Variants in PLCH1 observed in about 807,000 individuals in gnomAD.
The protein encoded by PLCH1 is 1-phosphatidylinositol 4,5-bisphosphate phosphodiesterase eta-1.
Under a neutral mutation model 126.7 loss-of-function variants are expected in PLCH1, and 60 were observed. That is an observed-to-expected ratio of 0.47 (90% CI 0.38 to 0.59). The LOEUF is 0.59. Among genes scored for constraint, PLCH1 ranks in the 20% least tolerant of loss-of-function variants. PLCH1 has a pLI of 0.00. For missense variants in PLCH1, 1,723 were observed against 2,040.0 expected (o/e 0.84, Z 2.99); for synonymous variants, 719 against 734.9 (o/e 0.98, Z 0.35).
intron 2 of PLCH1, among the ~76,000 whole-genome samples, chr3:155,699,382 C>A (rs905475797): frequency 2.6e-5 from 4 of 152,162 alleles, no homozygotes; most frequent in Non-Finnish European, 5.9e-5. Context: ...CAGCCTGATA[C>A]TTTTAATCTT....
chr3:155,479,601 C>A (rs542027566), downstream of PLCH1, among the ~76,000 whole-genome samples: 2 of 152,240 alleles, frequency 1.3e-5, no homozygotes, highest in South Asian at 4.1e-4. Flanking sequence ...TCCCTCCCAC[C>A]ACCCACCACC....
intron 22 of PLCH1, among the ~76,000 whole-genome samples, chr3:155,483,935 TTAAA>T (rs1235983623): frequency 3.7e-4 from 57 of 152,252 alleles, no homozygotes; most frequent in African/African-American, 1.0e-3. Context: ...CAACTTGTTA[TTAAA>T]TAGTTTCCAA....
chr3:155,464,969 C>T (rs1199529669), intron 21 of PLCH1, among the ~76,000 whole-genome samples: 6 of 152,092 alleles, frequency 3.9e-5, no homozygotes, highest in South Asian at 2.1e-4. Flanking sequence ...ATTAGCTAGG[C>T]GTGGCAGCGT....
rs1170521180 is a variant in PLCH1, at chr3:155,492,853, C to T, written c.2183G>A (p.Gly728Asp). Residue 728 changes from glycine to aspartate, a missense_variant and splice_region_variant, in exon 18 of 23, where the codon GGT (glycine) becomes GAT (aspartate). Physicochemically the swap from Gly to Asp is moderately conservative, Grantham distance 94 (BLOSUM62 -1). This residue lies in a region of PLCH1 where 776 missense variants were observed against 1,062.9 expected (regional missense o/e 0.73). Transcript: ENST00000460012. Reference sequence around the variant, plus strand: ...GTCACCAGAGAAAGGGTTGAAAGTACCTAGGCCAAGTAAAGTATAAGTTGG... The same window carrying T: ...GTCACCAGAGAAAGGGTTGAAAGTATCTAGGCCAAGTAAAGTATAAGTTGG... ...YVLKPQQMCKGTFNPFSGDPL... is the reference protein window; with the variant it reads ...YVLKPQQMCKDTFNPFSGDPL... The T allele has an allele frequency of 6.3e-7, 1 of 1,590,298 alleles. No homozygotes were observed. Among genetic ancestry groups the T allele is most frequent in the Non-Finnish European group, 8.5e-7 (1 of 1,170,164 alleles).
At position 155,494,406 on chromosome 3, in the gene PLCH1, G is replaced by A; in HGVS notation, c.2006C>T (p.Pro669Leu). 6.2e-7 allele frequency: 1 copy of A among 1,614,062 alleles called. No individual in the cohort carries two copies. The change falls in exon 16 of 23, where the codon CCC (proline) becomes CTC (leucine). Residue 669 changes from proline to leucine, a missense_variant. Physicochemically the swap from Pro to Leu is moderately conservative, Grantham distance 98. This residue lies in a region of PLCH1 where 776 missense variants were observed against 1,062.9 expected (regional missense o/e 0.73). Transcript: ENST00000460012. ...YNQKQLTRIY[P>L]SAYRIDSSNF... ...ACTGGAATCAATGCGGTAGGCAGAG[G>A]GGTAAATCCTCGTGAGTTGCTTTTG...
chr3:155,604,855 T>C (rs1734161032), intron 2 of PLCH1, among the ~76,000 whole-genome samples: 1 of 152,190 alleles, frequency 6.6e-6, no homozygotes, highest in Non-Finnish European at 1.5e-5. Flanking sequence ...AAGAGAATGA[T>C]AAAAATCACT....
In PLCH1 at chr3:155,554,145, G is replaced by A; in HGVS notation, c.1121C>T (p.Thr374Ile). The change falls in exon 9 of 23, where the codon ACT becomes ATT. Residue 374 changes from threonine to isoleucine, a missense_variant. By Grantham distance (89) the Thr-to-Ile change is moderately conservative (BLOSUM62 -1). Transcript: ENST00000460012. ...DGEPVVHHGY[T>I]LTSKILFRDV... ...TCTGAAGAGAATTTTTGAAGTGAGA[G>A]TGTAACCATGATGTACTACTGGCTC... The A allele has an allele frequency of 6.2e-7, 1 of 1,613,640 alleles. No individual in the cohort carries two copies. The highest frequency in any genetic ancestry group is 8.5e-7 in the Non-Finnish European group (1 of 1,179,584).
intron 1 of PLCH1, among the ~76,000 whole-genome samples, chr3:155,741,661 C>A (rs1749627268): frequency 1.5e-5 from 2 of 130,652 alleles, no homozygotes; most frequent in Non-Finnish European, 3.2e-5. Context: ...TCCTTTTATC[C>A]TTTTATCATA....
intron 21 of PLCH1, among the ~76,000 whole-genome samples, chr3:155,473,716 A>C (rs900638959): frequency 5.3e-5 from 8 of 151,792 alleles, no homozygotes; most frequent in Non-Finnish European, 1.2e-4. Flanking sequence ...TGGTACTGGT[A>C]CCAAAACAGA....
intron 9 of PLCH1, among the ~76,000 whole-genome samples, chr3:155,551,684 CAAA>C (rs35872401): frequency 0.032 from 2,773 of 87,008 alleles, 46 homozygotes; most frequent in East Asian, 0.11. Context: ...AGCTCTCTAC[CAAA>C]AAAAAAAAAA....
intron 9 of PLCH1, among the ~76,000 whole-genome samples, chr3:155,550,185 A>G (rs1012529049): frequency 1.3e-5 from 2 of 152,256 alleles, no homozygotes; most frequent in African/African-American, 4.8e-5. Context: ...ATACCAATCC[A>G]CATGGGATGG....
chr3:155,578,038 C>A (rs1324927662), intron 6 of PLCH1, among the ~76,000 whole-genome samples: 1 of 152,128 alleles, frequency 6.6e-6, no homozygotes, highest in East Asian at 1.9e-4. Context: ...ATTCTCCAAC[C>A]ACTAAAGCTT....
chr3:155,514,680 T>G (rs763815503), intron 12 of PLCH1, 43 bp downstream of exon 12: 1 of 1,286,954 alleles, frequency 7.8e-7, no homozygotes, highest in Non-Finnish European at 1.0e-6. Flanking sequence ...TGAGATGCTT[T>G]TTTTTTCCTG....
In PLCH1 at chr3:155,631,632, C is replaced by T. The variant is rs139655258; in HGVS notation, c.80-35254G>A. Among the ~76,000 whole-genome samples the T allele has an allele frequency of 6.6e-3, 999 of 152,300 alleles. 5 individuals carry two copies. The highest frequency in any genetic ancestry group is 0.014 in the Middle Eastern group (4 of 294). ...TCAGCACTCCAATTGCTGATAAGTA[C>T]CGTAATCAGAAATCTTTTTCCTCCC... On this transcript the variant is annotated intron_variant, in intron 2 of 22. Coordinates refer to ENST00000460012, the MANE Select transcript of PLCH1 (RefSeq NM_014996.4).
intron 8 of PLCH1, among the ~76,000 whole-genome samples, chr3:155,560,363 C>A (rs189532205): frequency 6.6e-6 from 1 of 152,234 alleles, no homozygotes; most frequent in East Asian, 1.9e-4. Flanking sequence ...AGAATGTCAC[C>A]TTGAGACATC....
intron 2 of PLCH1, among the ~76,000 whole-genome samples, chr3:155,628,458 T>C (rs555363469): frequency 5.5e-4 from 83 of 151,748 alleles, no homozygotes; most frequent in African/African-American, 2.0e-3. Flanking sequence ...CTTACCAATA[T>C]TTGATCATAT....
intron 11 of PLCH1, among the ~76,000 whole-genome samples, chr3:155,516,481 GAGTAGGGTAGTGGC>G (rs1720328669): frequency 6.6e-6 from 1 of 152,210 alleles, no homozygotes; most frequent in African/African-American, 2.4e-5. Flanking sequence ...AGAGTTCATG[GAGTAGGGTAGTGGC>G]AGATAAAGAA....
intron 10 of PLCH1, among the ~76,000 whole-genome samples, chr3:155,544,633 G>A (rs967777966): frequency 6.6e-6 from 1 of 152,008 alleles, no homozygotes; most frequent in African/African-American, 2.4e-5. Context: ...CCACATACTT[G>A]GAAGTAAAGC....
At chr3:155,546,083 A>G (rs1725229134) in intron 10 of PLCH1, among the ~76,000 whole-genome samples, 1 of 152,338 alleles carries the variant, frequency 6.6e-6, no homozygotes, top group South Asian at 2.1e-4. Context: ...AATTAGGAAA[A>G]GAGGAAGTCA....
Sources: allele counts gnomAD v4.1 joint callset (sites outside exome capture counted in the v4.1 genomes callset), GRCh38; gene constraint gnomAD v4.1.1; regional missense constraint gnomAD v4.1.1; transcripts MANE v1.5; gene names NCBI Gene and HGNC (gene_info 2026-07-23, HGNC 2026-07-21).